Variants in ERI3 observed in about 807,000 individuals in gnomAD.
ERI3 encodes the protein ERI1 exoribonuclease family member 3.
In ERI3, 18 loss-of-function variants were observed where a neutral mutation model predicts 44.4. That is an observed-to-expected ratio of 0.41 (90% CI 0.28 to 0.60). ERI3 has a LOEUF of 0.60. ERI3 is among the 20% of genes least tolerant of loss of function. ERI3 has a pLI of 0.36. For missense variants in ERI3, 294 were observed against 435.5 expected (o/e 0.68, Z 2.89); for synonymous variants, 183 against 164.8 (o/e 1.11, Z -0.84).
intron 7 of ERI3, among the ~76,000 whole-genome samples, chr1:44,273,521 C>G (rs769816878): frequency 1.3e-5 from 2 of 152,236 alleles, no homozygotes; most frequent in Non-Finnish European, 2.9e-5. Context: ...GCCCAAGATT[C>G]AGTGTGGATT....
chr1:44,232,020 A>G (rs1413138415), intron 8 of ERI3, among the ~76,000 whole-genome samples: 1 of 152,198 alleles, frequency 6.6e-6, no homozygotes, highest in Non-Finnish European at 1.5e-5. Flanking sequence ...AAAAATGGAA[A>G]CATATCTGGG....
rs184395683 is a variant in ERI3, at chr1:44,337,926, C to G, written c.489+1119G>C. Among the ~76,000 whole-genome samples, 27 of 152,304 alleles carry G rather than the reference C, an allele frequency of 1.8e-4. 2 individuals are homozygous for G. The East Asian group carries it at 5.2e-3, about 29-fold the overall frequency. On this transcript the variant is annotated intron_variant, in intron 3 of 8. Transcript: ENST00000372257. The stretch of plus-strand genomic sequence containing the variant: ...GTCTATGCATCACACACTCTATAAC[C>G]TAACCCTATAGAGAAGAGTTACAGT...
chr1:44,236,252 TTAC>T (rs1644301860), intron 8 of ERI3, among the ~76,000 whole-genome samples: 1 of 152,208 alleles, frequency 6.6e-6, no homozygotes, highest in Non-Finnish European at 1.5e-5. Context: ...CACATTTTAT[TTAC>T]TATCTGCCTA....
At chr1:44,308,439 T>C (rs767941156) in intron 5 of ERI3, 38 bp from the exon 6 acceptor site, 1 of 1,566,616 alleles carries the variant, frequency 6.4e-7, no homozygotes, top group Non-Finnish European at 8.8e-7. Context: ...TTTTCCTTTT[T>C]TTTCCCTGAG....
chr1:44,308,770 G>A (rs571786450), intron 5 of ERI3, among the ~76,000 whole-genome samples: 44 of 152,250 alleles, frequency 2.9e-4, no homozygotes, highest in African/African-American at 1.0e-3. Context: ...ATCAGAACAG[G>A]GTAGTAGGAG....
At chr1:44,353,567 C>T in intron 1 of ERI3, 1 of 985,394 alleles carries the variant, frequency 1.0e-6, no homozygotes, top group Non-Finnish European at 1.2e-6. Context: ...TCTACCATTC[C>T]ACACATTTAA....
intron 8 of ERI3, among the ~76,000 whole-genome samples, chr1:44,245,816 A>G (rs1248702388): frequency 6.6e-6 from 1 of 152,116 alleles, no homozygotes; most frequent in Non-Finnish European, 1.5e-5. Flanking sequence ...CAGATAAAGT[A>G]TATGTGGGGT....
At chr1:44,283,347 T>C (rs755613840) in intron 7 of ERI3, among the ~76,000 whole-genome samples, 1 of 152,272 alleles carries the variant, frequency 6.6e-6, no homozygotes, top group East Asian at 1.9e-4. Context: ...CAGATGGCCA[T>C]GTCTGGAAGG....
intron 2 of ERI3, among the ~76,000 whole-genome samples, chr1:44,351,400 G>A (rs1198730075): frequency 6.6e-6 from 1 of 152,166 alleles, no homozygotes; most frequent in African/African-American, 2.4e-5. Flanking sequence ...GCTTCTTACT[G>A]TTCTTAAATC....
At chr1:44,348,684 T>C (rs1646832356) in intron 2 of ERI3, among the ~76,000 whole-genome samples, 2 of 152,248 alleles carry the variant, frequency 1.3e-5, no homozygotes, top group African/African-American at 4.8e-5. Context: ...AAATGGATAA[T>C]GTGGGACCCA....
intron 7 of ERI3, among the ~76,000 whole-genome samples, chr1:44,249,032 A>C (rs1336930940): frequency 1.3e-5 from 2 of 152,188 alleles, no homozygotes; most frequent in Non-Finnish European, 2.9e-5. Flanking sequence ...CCCAGAAAGA[A>C]GAGACTTAAC....
intron 2 of ERI3, among the ~76,000 whole-genome samples, chr1:44,351,415 C>T (rs1646887666): frequency 6.6e-6 from 1 of 152,140 alleles, no homozygotes; most frequent in Non-Finnish European, 1.5e-5. Flanking sequence ...TAAATCTGAT[C>T]CAGAGGTCAG....
rs558878522 is a variant in ERI3 at position 44,339,258 on chromosome 1, C to T, written c.276G>A (p.Ser92=). The change falls in exon 3 of 9, where the codon TCG becomes TCA. Residue 92 remains serine (S), a synonymous_variant. Coordinates refer to ENST00000372257, the MANE Select transcript of ERI3 (RefSeq NM_024066.3). ...PLQTGAARFS[S]YLLSRARKVL... is the part of the protein sequence containing the mutation. The stretch of plus-strand genomic sequence containing the variant: ...CTTTTCTTGCTCTTGAAAGTAAATA[C>T]GAAGAAAATCGAGCTGCTCCAGTCT... 3.6e-5 allele frequency: 58 copies of T among 1,605,220 alleles called. No homozygotes were observed. The highest frequency in any genetic ancestry group is 4.7e-5 in the Non-Finnish European group (55 of 1,178,302).
intron 8 of ERI3, among the ~76,000 whole-genome samples, chr1:44,223,790 C>G (rs908663196): frequency 2.0e-5 from 3 of 152,180 alleles, no homozygotes; most frequent in Non-Finnish European, 2.9e-5. Flanking sequence ...GTCCCCACGT[C>G]CCAGTCTCTG....
At chr1:44,342,423 GA>G (rs1646673658) in intron 2 of ERI3, among the ~76,000 whole-genome samples, 1 of 152,126 alleles carries the variant, frequency 6.6e-6, no homozygotes, top group South Asian at 2.1e-4. Flanking sequence ...ACTGTTAAGA[GA>G]AAGGAGTTAA....
chr1:44,240,270 G>A (rs1291532873), intron 8 of ERI3, among the ~76,000 whole-genome samples: 1 of 152,168 alleles, frequency 6.6e-6, no homozygotes, highest in East Asian at 1.9e-4. Context: ...TGAGAGCAGG[G>A]CCTATTTGAT....
chr1:44,262,787 G>C (rs1644920652), intron 7 of ERI3, among the ~76,000 whole-genome samples: 1 of 152,188 alleles, frequency 6.6e-6, no homozygotes, highest in Non-Finnish European at 1.5e-5. Flanking sequence ...GGTCTATTTA[G>C]AGCAGGTCCC....
chr1:44,348,743 G>T (rs1471032027), intron 2 of ERI3, among the ~76,000 whole-genome samples: 2 of 152,212 alleles, frequency 1.3e-5, no homozygotes, highest in Non-Finnish European at 2.9e-5. Flanking sequence ...CTGCAGTTCT[G>T]CAATGACTAT....
At chr1:44,298,477 C>T (rs1396690760) in intron 6 of ERI3, among the ~76,000 whole-genome samples, 11 of 152,020 alleles carry the variant, frequency 7.2e-5, no homozygotes, top group Non-Finnish European at 1.3e-4. Context: ...TAACTAAATA[C>T]AGTATAATAG....
Sources: allele counts gnomAD v4.1 joint callset (sites outside exome capture counted in the v4.1 genomes callset), GRCh38; gene constraint gnomAD v4.1.1; transcripts MANE v1.5; gene names NCBI Gene and HGNC (gene_info 2026-07-23, HGNC 2026-07-21).